Variants in TPST2 observed in about 807,000 individuals in gnomAD.
TPST2 encodes protein-tyrosine sulfotransferase 2.
A neutral mutation model predicts 27.8 loss-of-function variants in TPST2; 16 were observed. The ratio of observed to expected loss-of-function variants is 0.58; its 90% CI spans 0.39 to 0.88. The LOEUF (loss-of-function observed/expected upper bound fraction) is 0.88. Among genes scored for constraint, TPST2 ranks in the 40% least tolerant of loss-of-function variants. TPST2 has a pLI of 0.00. For synonymous variants in TPST2, 229 were observed against 231.7 expected, an observed-to-expected ratio of 0.99 and a Z score of 0.10; for missense variants, 464 against 543.1, an observed-to-expected ratio of 0.85 and a Z score of 1.45.
intron 1 of TPST2, among the ~76,000 whole-genome samples, chr22:26,559,911 G>A (rs894308377): frequency 7.9e-5 from 12 of 152,082 alleles, no homozygotes; most frequent in Non-Finnish European, 1.0e-4. Flanking sequence ...CCTTCTAGGA[G>A]CCTCTGAGGA....
At chr22:26,544,909 G>A (rs1477433001) in intron 1 of TPST2, among the ~76,000 whole-genome samples, 2 of 152,236 alleles carry the variant, frequency 1.3e-5, no homozygotes, top group Non-Finnish European at 2.9e-5. Context: ...AGAGGTGTGA[G>A]CTGAAGTCTG....
chr22:26,577,587 A>C (rs553671752), intron 1 of TPST2, among the ~76,000 whole-genome samples: 2 of 149,222 alleles, frequency 1.3e-5, no homozygotes, highest in African/African-American at 4.9e-5. Context: ...CTGACCTTGT[A>C]ATCTGCCCGC....
At chr22:26,548,590 G>GAAGC (rs1219857583) in intron 1 of TPST2, among the ~76,000 whole-genome samples, 8 of 121,922 alleles carry the variant, frequency 6.6e-5, no homozygotes, top group Non-Finnish European at 1.0e-4. Flanking sequence ...AGGAAGGAAG[G>GAAGC]AAGCAAGCAA....
At chr22:26,581,977 G>A (rs1004392078) in intron 1 of TPST2, among the ~76,000 whole-genome samples, 2 of 152,186 alleles carry the variant, frequency 1.3e-5, no homozygotes, top group African/African-American at 4.8e-5. Flanking sequence ...TACAAATACA[G>A]GTAGCGGGCC....
At chr22:26,557,399 T>A (rs1926858588) in intron 1 of TPST2, among the ~76,000 whole-genome samples, 1 of 152,218 alleles carries the variant, frequency 6.6e-6, no homozygotes, top group Non-Finnish European at 1.5e-5. Flanking sequence ...TTACTAGCGA[T>A]GCTGCTGTGA....
chr22:26,586,725 G>A (rs1302968445), intron 1 of TPST2, among the ~76,000 whole-genome samples: 3 of 152,214 alleles, frequency 2.0e-5, no homozygotes, highest in African/African-American at 4.8e-5. Flanking sequence ...ACTGGAACAC[G>A]CAGATAAGTG....
intron 1 of TPST2, among the ~76,000 whole-genome samples, chr22:26,558,251 G>C (rs1410950555): frequency 6.6e-6 from 1 of 151,726 alleles, no homozygotes; most frequent in Non-Finnish European, 1.5e-5. Flanking sequence ...TGATTCTCCT[G>C]CCTCAGCCTC....
rs750528765 is a variant in TPST2, at chr22:26,536,499, G to A, written c.843-13C>T. 1 of 1,507,506 alleles carries A rather than the reference G, an allele frequency of 6.6e-7. No individual in the cohort carries two copies. Among genetic ancestry groups the A allele is most frequent in the Admixed American group, 2.3e-5 (1 of 43,570 alleles). The allele number at this position is 1,507,506 out of a possible 1,614,324, so 93.4% of individuals were successfully genotyped here. On this transcript the variant is annotated splice_polypyrimidine_tract_variant and intron_variant, in intron 3 of 6. Coordinates refer to ENST00000338754, the MANE Select transcript of TPST2 (RefSeq NM_003595.5). ...GGACCGCTCGATCCTGGGGAGAGAG[G>A]AGACGCTGGAGAGGGTAGGGCAGAC...
At position 26,536,320 on chromosome 22, in the gene TPST2, G is replaced by C. The variant is rs375196476; in HGVS notation, c.1009C>G (p.Pro337Ala). The change falls in exon 4 of 7, where the codon CCT becomes GCT. Residue 337 changes from proline (P) to alanine (A), a missense_variant. Physicochemically the swap from Pro to Ala is conservative, Grantham distance 27 (BLOSUM62 -1). Coordinates refer to ENST00000338754, the MANE Select transcript of TPST2 (RefSeq NM_003595.5). The stretch of plus-strand genomic sequence containing the variant: ...GTGTTGTTGATGACGAAGGGGTCAG[G>C]GTTGCCATAGTTGGGGGGGTTTGCA... ...PYANPPNYGN[P>A]DPFVINNTQR... 1.9e-6 allele frequency: 3 copies of C among 1,614,176 alleles called. No individual in the cohort carries two copies. The highest frequency in any genetic ancestry group is 1.7e-6 in the Non-Finnish European group (2 of 1,180,022).
chr22:26,561,541 A>G (rs1927094948), intron 1 of TPST2, among the ~76,000 whole-genome samples: 1 of 99,858 alleles, frequency 1.0e-5, no homozygotes, highest in African/African-American at 3.4e-5. Flanking sequence ...ACCACTCTGT[A>G]ATTGCAAAAA....
chr22:26,588,393 A>T (rs544788097), intron 1 of TPST2, among the ~76,000 whole-genome samples: 61 of 152,282 alleles, frequency 4.0e-4, no homozygotes, highest in Admixed American at 1.0e-3. Flanking sequence ...AGGGGAAGAA[A>T]GGATTGGGGA....
intron 1 of TPST2, among the ~76,000 whole-genome samples, chr22:26,582,342 G>T (rs952636909): frequency 6.6e-6 from 1 of 152,134 alleles, no homozygotes; most frequent in Non-Finnish European, 1.5e-5. Flanking sequence ...CAGGAGAATC[G>T]CTTGAACCCG....
At chr22:26,552,816 T>C (rs1926553077) in intron 1 of TPST2, among the ~76,000 whole-genome samples, 1 of 151,954 alleles carries the variant, frequency 6.6e-6, no homozygotes, top group African/African-American at 2.4e-5. Flanking sequence ...TCCCAGCACT[T>C]TGGGAGGCCA....
intron 1 of TPST2, among the ~76,000 whole-genome samples, chr22:26,573,555 G>A (rs1294374982): frequency 1.3e-5 from 2 of 152,198 alleles, no homozygotes; most frequent in African/African-American, 4.8e-5. Context: ...CTGATTGCAT[G>A]ACTTTCCACT....
intron 1 of TPST2, 21 bp from the exon 2 acceptor site, chr22:26,544,696 T>C (rs1926026816): frequency 2.0e-6 from 2 of 985,748 alleles, no homozygotes; most frequent in Non-Finnish European, 2.4e-6. Context: ...AAAGGAGATA[T>C]TGCATCAGGG....
In TPST2 at chr22:26,536,219, G is replaced by A. The variant is rs1219592264; in HGVS notation, c.1041+69C>T. 6 of 1,560,100 alleles carry A rather than the reference G, an allele frequency of 3.8e-6. No individual in the cohort carries two copies. In the African/African-American group the frequency reaches 6.8e-5, roughly 18 times the overall value. ...GACTGAACATTTCCTCAGGTGGCTG[G>A]AGTTTCCACATCTGCAGAAGCCCCA... On this transcript the variant is annotated intron_variant, in intron 4 of 6. Coordinates refer to ENST00000338754, the MANE Select transcript of TPST2 (RefSeq NM_003595.5).
chr22:26,541,840 A>T lies in TPST2; in HGVS notation c.-88-122T>A, dbSNP rs1442551358. On this transcript the variant is annotated intron_variant, in intron 2 of 6. Coordinates refer to ENST00000338754, the MANE Select transcript of TPST2 (RefSeq NM_003595.5). This position sits in a 1 kb window ranked among gnomAD's most constrained non-coding sequence, Gnocchi z 5.9. ...GACATGAATGCAGAGGGCACCTTTCATAAGCACTAGCTGTGTGCCTGGCAC... is the reference window on the plus strand; with the variant it reads ...GACATGAATGCAGAGGGCACCTTTCTTAAGCACTAGCTGTGTGCCTGGCAC... 1 of 995,968 alleles carries T rather than the reference A, an allele frequency of 1.0e-6. No individual in the cohort carries two copies. The highest frequency in any genetic ancestry group is 1.7e-5 in the African/African-American group (1 of 58,612). The allele number at this position is 995,968 out of a possible 1,614,324, so 61.7% of individuals were successfully genotyped here.
At chr22:26,559,089 C>A (rs1214906382) in intron 1 of TPST2, among the ~76,000 whole-genome samples, 1 of 152,226 alleles carries the variant, frequency 6.6e-6, no homozygotes, top group Non-Finnish European at 1.5e-5. Flanking sequence ...TTCATGGGCC[C>A]GGCGCGGTGG....
At chr22:26,575,555 G>A (rs117222195) in intron 1 of TPST2, among the ~76,000 whole-genome samples, 2,184 of 152,278 alleles carry the variant, frequency 0.014, 25 homozygotes, top group Non-Finnish European at 0.022. Context: ...CCCAGGGCAG[G>A]AACAGGGTCT....
Sources: allele counts gnomAD v4.1 joint callset (sites outside exome capture counted in the v4.1 genomes callset), GRCh38; gene constraint gnomAD v4.1.1; non-coding constraint Gnocchi (gnomAD v3.1); transcripts MANE v1.5; gene names NCBI Gene and HGNC (gene_info 2026-07-23, HGNC 2026-07-21).